Variants in TMEM232 observed in about 807,000 individuals in gnomAD.
TMEM232 encodes the protein transmembrane protein 232.
In TMEM232, 80 loss-of-function variants were observed where a neutral mutation model predicts 78.8. The observed-to-expected ratio is 1.01, with a 90% CI of 0.85 to 1.22. The LOEUF is 1.22. TMEM232 is among the 50% of genes most tolerant of loss of function. The pLI is 0.00. For synonymous variants in TMEM232, 297 were observed against 254.3 expected (o/e 1.17, Z -1.60); for missense variants, 881 against 742.2 (o/e 1.19, Z -2.17).
At chr5:110,629,279 C>T (rs1784817754) in intron 5 of TMEM232, among the ~76,000 whole-genome samples, 1 of 151,866 alleles carries the variant, frequency 6.6e-6, no homozygotes, top group Non-Finnish European at 1.5e-5. Flanking sequence ...GGGGACAAAA[C>T]AGAAAATACA....
At chr5:110,558,678 G>T (rs769534776) in intron 11 of TMEM232, among the ~76,000 whole-genome samples, 1 of 152,176 alleles carries the variant, frequency 6.6e-6, no homozygotes, top group South Asian at 2.1e-4. Flanking sequence ...GACACCTAGA[G>T]AAGCATGGTA....
At chr5:110,665,927 GGC>G (rs1174497970) in intron 2 of TMEM232, among the ~76,000 whole-genome samples, 3 of 150,640 alleles carry the variant, frequency 2.0e-5, no homozygotes, top group African/African-American at 7.3e-5. Context: ...AAATTAGCCA[GGC>G]ATACTGGCAT....
chr5:110,505,255 C>T (rs540860888), intron 12 of TMEM232, among the ~76,000 whole-genome samples: 14 of 152,174 alleles, frequency 9.2e-5, no homozygotes, highest in African/African-American at 2.6e-4. Flanking sequence ...ATGGCTCTTC[C>T]GTGGGAATGA....
intron 10 of TMEM232, among the ~76,000 whole-genome samples, chr5:110,588,147 C>T (rs1342313370): frequency 6.6e-6 from 1 of 152,004 alleles, no homozygotes; most frequent in Non-Finnish European, 1.5e-5. Flanking sequence ...TTGCTCTGTG[C>T]TAATGATTTT....
intron 11 of TMEM232, among the ~76,000 whole-genome samples, chr5:110,533,671 G>T (rs1465569898): frequency 6.6e-6 from 1 of 152,076 alleles, no homozygotes; most frequent in Non-Finnish European, 1.5e-5. Context: ...CATTGTTCCT[G>T]GCCCGGACTT....
chr5:110,592,228 G>T (rs779038523), intron 10 of TMEM232, among the ~76,000 whole-genome samples: 1 of 152,108 alleles, frequency 6.6e-6, no homozygotes, highest in East Asian at 1.9e-4. Context: ...AAAAGTTGAC[G>T]TCTAGAGGTG....
chr5:110,580,265 G>A (rs777941268), intron 10 of TMEM232, among the ~76,000 whole-genome samples: 51 of 151,662 alleles, frequency 3.4e-4, no homozygotes, highest in African/African-American at 9.6e-4. Flanking sequence ...TATATTAGCT[G>A]GTGACATTTA....
At chr5:110,398,136 A>G (rs1755463101) in intron 2 of TMEM232, among the ~76,000 whole-genome samples, 1 of 152,124 alleles carries the variant, frequency 6.6e-6, no homozygotes, top group African/African-American at 2.4e-5. Flanking sequence ...TTATCTACCC[A>G]CTATTGCAAG....
intron 1 of TMEM232, among the ~76,000 whole-genome samples, chr5:110,686,947 G>A (rs1221774205): frequency 1.3e-5 from 2 of 152,028 alleles, no homozygotes; most frequent in Non-Finnish European, 2.9e-5. Context: ...TCACATCACT[G>A]GGGAGCTACT....
chr5:110,605,116 T>C lies in TMEM232; in HGVS notation c.1269A>G (p.Ser423=). Residue 423 remains serine, a synonymous_variant, in exon 10 of 14, where the codon TCA becomes TCG. Transcript: ENST00000455884. ...AAAAAACAATCTACTTACAGTTCTC[T>C]GACATTTTTGAAGAGAAATATTCCA... ...SLLEYFSSKM[S]ENCDQVVWTG... 3.9e-6 allele frequency: 6 copies of C among 1,541,514 alleles called. No homozygotes were observed. Among genetic ancestry groups the C allele is most frequent in the Non-Finnish European group, 5.3e-6 (6 of 1,141,576 alleles).
chr5:110,567,989 C>T (rs1581241050), intron 11 of TMEM232, among the ~76,000 whole-genome samples: 1 of 152,010 alleles, frequency 6.6e-6, no homozygotes, highest in East Asian at 1.9e-4. Flanking sequence ...AGCTCCTTCA[C>T]AGCTCATCCT....
intron 1 of TMEM232, among the ~76,000 whole-genome samples, chr5:110,684,259 G>T (rs1793121225): frequency 6.6e-6 from 1 of 151,850 alleles, no homozygotes; most frequent in Non-Finnish European, 1.5e-5. Context: ...TACATGAAAA[G>T]AAGAGGGACC....
intron 5 of TMEM232, chr5:110,628,796 A>G (rs1437677989): frequency 1.3e-5 from 2 of 152,034 alleles, no homozygotes; most frequent in Non-Finnish European, 2.9e-5. Flanking sequence ...ATGAAATCTC[A>G]GTGCATCATC....
At chr5:110,638,724 A>C (rs528136063) in intron 4 of TMEM232, among the ~76,000 whole-genome samples, 6 of 152,256 alleles carry the variant, frequency 3.9e-5, no homozygotes, top group Middle Eastern at 3.4e-3. Context: ...GAAGCAACTG[A>C]AACAGAAGTC....
At chr5:110,595,942 C>T (rs1199206539) in intron 10 of TMEM232, among the ~76,000 whole-genome samples, 2 of 152,112 alleles carry the variant, frequency 1.3e-5, no homozygotes, top group East Asian at 3.9e-4. Flanking sequence ...TAAGATACTC[C>T]TCGAGAAGAG....
chr5:110,669,615 T>A (rs1791092847), intron 1 of TMEM232, among the ~76,000 whole-genome samples: 1 of 152,172 alleles, frequency 6.6e-6, no homozygotes, highest in Non-Finnish European at 1.5e-5. Flanking sequence ...GAGGGAATCC[T>A]CCCTAACTCA....
intron 1 of TMEM232, among the ~76,000 whole-genome samples, chr5:110,714,088 C>A (rs544767900): frequency 6.6e-6 from 1 of 152,286 alleles, no homozygotes; most frequent in South Asian, 2.1e-4. Flanking sequence ...ACACCCCTCA[C>A]CCTGCCATGG....
chr5:110,403,709 C>T (rs1443731552), intron 2 of TMEM232, among the ~76,000 whole-genome samples: 4 of 151,864 alleles, frequency 2.6e-5, no homozygotes, highest in African/African-American at 7.3e-5. Context: ...TTATGATCTC[C>T]TATTTGTTAA....
At chr5:110,683,275 A>C (rs1276299202) in intron 1 of TMEM232, among the ~76,000 whole-genome samples, 1 of 152,124 alleles carries the variant, frequency 6.6e-6, no homozygotes, top group African/African-American at 2.4e-5. Flanking sequence ...GGGATTTATT[A>C]ACCTTTGTGC....
Sources: allele counts gnomAD v4.1 joint callset (sites outside exome capture counted in the v4.1 genomes callset), GRCh38; gene constraint gnomAD v4.1.1; transcripts MANE v1.5; gene names NCBI Gene and HGNC (gene_info 2026-07-23, HGNC 2026-07-21).